UBR4: variants seen among roughly 807,000 people sequenced by gnomAD.
UBR4 encodes E3 ubiquitin-protein ligase UBR4.
Under a neutral mutation model 575.6 loss-of-function variants are expected in UBR4, and 124 were observed. That is an observed-to-expected ratio of 0.22 (90% CI 0.19 to 0.25). The LOEUF is 0.25. Among genes scored for constraint, UBR4 ranks in the 10% least tolerant of loss-of-function variants. UBR4 has a pLI of 1.00. For synonymous variants in UBR4, 2,455 were observed against 2,473.7 expected (o/e 0.99, Z 0.22); for missense variants, 4,818 against 6,478.8 (o/e 0.74, Z 8.80).
chr1:19,192,119 A>G, intron 11 of UBR4, 69 bp downstream of exon 11: 1 of 1,544,102 alleles, frequency 6.5e-7, no homozygotes, highest in South Asian at 1.2e-5. Context: ...AAGTCATACT[A>G]GCTCCCTGTA....
chr1:19,098,708 AGAAAG>A (rs2078306660), intron 90 of UBR4, among the ~76,000 whole-genome samples: 1 of 152,216 alleles, frequency 6.6e-6, no homozygotes, highest in African/African-American at 2.4e-5. Context: ...GTGGGAGAAA[AGAAAG>A]GAGAGAGGCG....
Position 19,078,011 on chromosome 1 carries a change from A to C in UBR4, c.15289T>G (p.Trp5097Gly). The C allele has an allele frequency of 6.2e-7, 1 of 1,614,114 alleles. No individual in the cohort carries two copies. Among genetic ancestry groups the C allele is most frequent in the Non-Finnish European group, 8.5e-7 (1 of 1,180,012 alleles). Residue 5097 changes from tryptophan (W) to glycine (G), a missense_variant, in exon 104 of 106, where the codon TGG becomes GGG. Coordinates refer to ENST00000375254, the MANE Select transcript of UBR4 (RefSeq NM_020765.3). ...TTGTAAATGAGATCGACGAGGGCCCAAAAGAGAAGGGAAGAACGGTAAGCG... is the reference window on the plus strand; with the variant it reads ...TTGTAAATGAGATCGACGAGGGCCCCAAAGAGAAGGGAAGAACGGTAAGCG... ...YSAYRSSLLF[W>G]ALVDLIYNMF...
intron 52 of UBR4, 117 bp downstream of exon 52, chr1:19,146,709 A>T (rs1245448919): frequency 7.0e-7 from 1 of 1,420,756 alleles, no homozygotes; most frequent in African/African-American, 1.4e-5. Flanking sequence ...ACCAGGAAGC[A>T]AAATCCCTGT....
intron 11 of UBR4, among the ~76,000 whole-genome samples, chr1:19,191,887 T>C (rs543496976): frequency 6.6e-6 from 1 of 152,348 alleles, no homozygotes; most frequent in South Asian, 2.1e-4. Context: ...AAGCCCGCTT[T>C]ACAAGACAGA....
chr1:19,180,215 G>C (rs1331258776), intron 17 of UBR4, among the ~76,000 whole-genome samples: 1 of 151,670 alleles, frequency 6.6e-6, no homozygotes, highest in Non-Finnish European at 1.5e-5. Flanking sequence ...TTGAGATAGA[G>C]TCTCACTCCA....
At chr1:19,173,402 T>A (rs1402006654) in intron 23 of UBR4, 37 bp downstream of exon 23, 19 of 1,612,756 alleles carry the variant, frequency 1.2e-5, no homozygotes, top group Non-Finnish European at 1.6e-5. Flanking sequence ...CAAAGCACTT[T>A]GGCTTTGAAT....
intron 60 of UBR4, 140 bp downstream of exon 60, chr1:19,137,867 G>A: frequency 1.1e-6 from 1 of 932,096 alleles, no homozygotes; most frequent in Non-Finnish European, 1.5e-6. Context: ...ACTTTAAACT[G>A]TTTCAGAAGT....
At chr1:19,081,937 G>A (rs914775709) in intron 102 of UBR4, 2 of 598,584 alleles carry the variant, frequency 3.3e-6, no homozygotes, top group East Asian at 5.5e-5. Context: ...GAAAAGTGAA[G>A]TGACTTGCCC....
In UBR4 at chr1:19,117,871, C is replaced by T; in HGVS notation, c.10581G>A (p.Leu3527=). ...SGLVEFDGYY[L]ESDPCLVCNN... ...TACACACCAGGCAGGGATCGCTCTC[C>T]AGGTAATAGCCATCAAACTCCACTA... is the stretch of plus-strand genomic sequence containing the variant. Residue 3527 remains leucine (L), a synonymous_variant, in exon 72 of 106, where the codon CTG becomes CTA. Transcript: ENST00000375254. The surrounding 1 kb of genome is among the most constrained non-coding windows in gnomAD (Gnocchi z 4.0). 6.2e-7 allele frequency: 1 copy of T among 1,614,212 alleles called. No individual in the cohort carries two copies.
chr1:19,099,772 T>C, intron 89 of UBR4, 95 bp from the exon 90 acceptor site: 1 of 1,064,924 alleles, frequency 9.4e-7, no homozygotes, highest in Non-Finnish European at 1.4e-6. Flanking sequence ...GGTTGATAAT[T>C]CACAATTTTT....
intron 73 of UBR4, among the ~76,000 whole-genome samples, chr1:19,116,737 G>A (rs534267172): frequency 6.6e-6 from 1 of 152,342 alleles, no homozygotes; most frequent in Admixed American, 6.5e-5. Context: ...GGGCTAGGAA[G>A]ATCCAGTATC....
chr1:19,110,501 T>A lies in UBR4; in HGVS notation c.11893-37A>T. 1 of 1,599,184 alleles carries A rather than the reference T, an allele frequency of 6.3e-7. No homozygotes were observed. Among genetic ancestry groups the A allele is most frequent in the Admixed American group, 1.7e-5 (1 of 59,260 alleles). On this transcript the variant is annotated intron_variant, in intron 79 of 105. Coordinates refer to ENST00000375254, the MANE Select transcript of UBR4 (RefSeq NM_020765.3). The surrounding 1 kb of genome is among the most constrained non-coding windows in gnomAD (Gnocchi z 4.5). ...TGGGAAGAGACATGAGTCAAGAGGG[T>A]CAGCTCCGGTCCAGCGACTCTTAAC...
chr1:19,153,959 CCA>C lies in UBR4; in HGVS notation c.6459-22_6459-21del, dbSNP rs1423606732. On this transcript the variant is annotated intron_variant, in intron 44 of 105. Coordinates refer to ENST00000375254, the MANE Select transcript of UBR4 (RefSeq NM_020765.3). The surrounding 1 kb of genome is among the most constrained non-coding windows in gnomAD (Gnocchi z 4.1). Reference sequence around the variant, plus strand: ...TTGGAACTGCAGACAACAAAACTGGCCACAGTTAGAGTGTCAGTCACCATTTA... The same window carrying C: ...TTGGAACTGCAGACAACAAAACTGGCCAGTTAGAGTGTCAGTCACCATTTA... The C allele has an allele frequency of 6.2e-7, 1 of 1,610,402 alleles. No individual in the cohort carries two copies. The highest frequency in any genetic ancestry group is 1.7e-5 in the Admixed American group (1 of 59,352).
intron 90 of UBR4, 126 bp from the exon 91 acceptor site, chr1:19,097,406 C>T: frequency 1.5e-6 from 1 of 649,464 alleles, no homozygotes; most frequent in Non-Finnish European, 2.5e-6. Flanking sequence ...AAAGTCTCAA[C>T]CACAACATCT....
At chr1:19,121,790 T>C (rs1254439868) in intron 67 of UBR4, 144 bp downstream of exon 67, 2 of 1,043,008 alleles carry the variant, frequency 1.9e-6, no homozygotes, top group Non-Finnish European at 2.8e-6. Flanking sequence ...TTTTTACTTG[T>C]CTTCTTTGCT....
Position 19,079,147 on chromosome 1 carries a change from T to C in UBR4, c.15234-1081A>G, listed in dbSNP as rs1351754747. On this transcript the variant is annotated intron_variant, in intron 103 of 105. Transcript: ENST00000375254. ...ATAAGAATCATAAAAATAAGAAACA[T>C]AGATGGTATTCATTATAGAAGCTAA... is the stretch of plus-strand genomic sequence containing the variant. 2.0e-5 allele frequency: 3 copies of C among 152,160 alleles called. No homozygotes were observed. In the East Asian group the frequency reaches 5.8e-4, roughly 29 times the overall value. 9.4% of individuals were successfully genotyped at this position (152,160 alleles called of 1,614,324 possible). A position where few individuals can be genotyped will look rare whatever the true frequency, so the allele number is the denominator to read the frequency against.
At chr1:19,208,466 C>CAAAAAAAAAAAAAAAAAAAAAAAAAAAAA (rs71030137) in intron 1 of UBR4, among the ~76,000 whole-genome samples, 1 of 76,904 alleles carries the variant, frequency 1.3e-5, no homozygotes, top group African/African-American at 4.3e-5. Context: ...GAATCCATCT[C>CAAAAAAAAAAAAAAAAAAAAAAAAAAAAA]AAAAAAAAAA....
At chr1:19,151,464 C>T in intron 48 of UBR4, 179 bp downstream of exon 48, 1 of 685,216 alleles carries the variant, frequency 1.5e-6, no homozygotes, top group Non-Finnish European at 2.6e-6. Context: ...CTCCGGTGTA[C>T]TCCTTTCCTG....
intron 12 of UBR4, 36 bp from the exon 13 acceptor site, chr1:19,187,337 C>T (rs1270618213): frequency 1.9e-6 from 3 of 1,609,012 alleles, no homozygotes; most frequent in Admixed American, 1.7e-5. Flanking sequence ...ATTAATGATA[C>T]TACTCAGCCA....
Sources: allele counts gnomAD v4.1 joint callset (sites outside exome capture counted in the v4.1 genomes callset), GRCh38; gene constraint gnomAD v4.1.1; non-coding constraint Gnocchi (gnomAD v3.1); transcripts MANE v1.5; gene names NCBI Gene and HGNC (gene_info 2026-07-23, HGNC 2026-07-21).